Variants in FDFT1 observed in about 807,000 individuals in gnomAD.
The protein encoded by FDFT1 is squalene synthase.
FDFT1 carries 68 observed loss-of-function variants against 46.8 expected under a neutral mutation model. That is an observed-to-expected ratio of 1.45 (90% confidence interval 1.19 to 1.78). The LOEUF (loss-of-function observed/expected upper bound fraction) is 1.78. Among genes scored for constraint, FDFT1 ranks in the 40% most tolerant of loss-of-function variants. The pLI, the probability that FDFT1 is intolerant of heterozygous loss-of-function variation, is 0.00. For missense variants in FDFT1, 928 were observed against 524.4 expected (o/e 1.77, Z -7.52); for synonymous variants, 351 against 185.1 (o/e 1.90, Z -7.28).
At chr8:11,814,295 T>C (rs1459094564) in intron 3 of FDFT1, among the ~76,000 whole-genome samples, 1 of 147,938 alleles carries the variant, frequency 6.8e-6, no homozygotes, top group Non-Finnish European at 1.5e-5. Context: ...AGATTGATTT[T>C]ATAGGTTTTT....
At chr8:11,815,207 T>A (rs190619533) in intron 3 of FDFT1, among the ~76,000 whole-genome samples, 2 of 152,230 alleles carry the variant, frequency 1.3e-5, no homozygotes, top group African/African-American at 4.8e-5. Flanking sequence ...CTCATCCTTT[T>A]TTTATGGCTG....
At chr8:11,811,467 C>T (rs931172410) in intron 3 of FDFT1, among the ~76,000 whole-genome samples, 1 of 152,196 alleles carries the variant, frequency 6.6e-6, no homozygotes, top group Non-Finnish European at 1.5e-5. Flanking sequence ...GCAGCCCTAT[C>T]CCCTCAGCAG....
intron 5 of FDFT1, among the ~76,000 whole-genome samples, chr8:11,828,097 G>C (rs747396170): frequency 5.3e-5 from 8 of 151,952 alleles, no homozygotes; most frequent in Non-Finnish European, 8.8e-5. Context: ...AGCTACTTGG[G>C]AGGCTGATGT....
At chr8:11,817,923 T>A (rs1424353873) in intron 3 of FDFT1, among the ~76,000 whole-genome samples, 1 of 152,202 alleles carries the variant, frequency 6.6e-6, no homozygotes, top group African/African-American at 2.4e-5. Flanking sequence ...TGTTTGCTCT[T>A]GCTTTTCTAG....
intron 3 of FDFT1, among the ~76,000 whole-genome samples, chr8:11,814,550 T>C (rs1839063397): frequency 6.6e-6 from 1 of 152,212 alleles, no homozygotes; most frequent in Non-Finnish European, 1.5e-5. Context: ...GGCTCTCATG[T>C]TTTAAGACTT....
At chr8:11,804,719 G>A (rs975017928) in intron 1 of FDFT1, among the ~76,000 whole-genome samples, 6 of 145,616 alleles carry the variant, frequency 4.1e-5, no homozygotes, top group Non-Finnish European at 6.0e-5. Context: ...CAATTCTCCT[G>A]CCTCAGCCTG....
upstream of FDFT1, among the ~76,000 whole-genome samples, chr8:11,800,289 A>T (rs1379371694): frequency 8.6e-6 from 1 of 116,152 alleles, no homozygotes; most frequent in Non-Finnish European, 1.9e-5. Context: ...AAAAAAAAAA[A>T]AAAGGCGCTT....
Position 11,821,417 on chromosome 8 carries a change from C to T in FDFT1, c.382-333C>T, listed in dbSNP as rs185506041. Among the ~76,000 whole-genome samples, 330 of 152,230 alleles carry T rather than the reference C, an allele frequency of 2.2e-3. 2 individuals are homozygous for T. Among genetic ancestry groups the T allele is most frequent in the African/African-American group, 6.6e-3 (275 of 41,528 alleles). ...ACCAGCTTGGCCAACATGGTGAAAC[C>T]CCACTTCTACTAAAAATATAAAAAT... On this transcript the variant is annotated intron_variant, in intron 3 of 7. Transcript: ENST00000220584.
At chr8:11,807,570 G>A (rs545650260) in intron 1 of FDFT1, among the ~76,000 whole-genome samples, 2 of 136,654 alleles carry the variant, frequency 1.5e-5, no homozygotes, top group Non-Finnish European at 3.3e-5. Context: ...CACTCCCTGT[G>A]GGCCTAAAAC....
intron 7 of FDFT1, among the ~76,000 whole-genome samples, chr8:11,835,548 T>G (rs2130904081): frequency 6.6e-6 from 1 of 152,324 alleles, no homozygotes; most frequent in East Asian, 1.9e-4. Flanking sequence ...GAAGTGCTCT[T>G]GGAGTTCTCT....
intron 4 of FDFT1, among the ~76,000 whole-genome samples, chr8:11,822,278 G>A (rs533706623): frequency 3.9e-5 from 6 of 152,318 alleles, no homozygotes; most frequent in Middle Eastern, 3.4e-3. Context: ...AAGCCAGTCA[G>A]ATTTAGCAGG....
At chr8:11,799,224 C>G (rs916511898), upstream of FDFT1, among the ~76,000 whole-genome samples, 1 of 152,194 alleles carries the variant, frequency 6.6e-6, no homozygotes, top group Admixed American at 6.5e-5. Flanking sequence ...CAGACCAGTC[C>G]ACGGTCGGCG....
At chr8:11,809,877 C>A in intron 3 of FDFT1, 27 bp downstream of exon 3, 1 of 1,574,646 alleles carries the variant, frequency 6.4e-7, no homozygotes, top group Non-Finnish European at 8.7e-7. Flanking sequence ...ATCTTGTCTA[C>A]GGACTGTTGT....
chr8:11,796,106 A>C (rs1314945337), intron 1 of FDFT1: 1 of 151,938 alleles, frequency 6.6e-6, no homozygotes, highest in Non-Finnish European at 1.5e-5. Flanking sequence ...GTGGCTTTAG[A>C]CATTTCATAA....
At chr8:11,798,516 G>A (rs1745941455), upstream of FDFT1, among the ~76,000 whole-genome samples, 1 of 152,238 alleles carries the variant, frequency 6.6e-6, no homozygotes, top group African/African-American at 2.4e-5. Context: ...GGACTCCACA[G>A]GACTTGATGA....
At chr8:11,832,220 A>G (rs896838210) in intron 7 of FDFT1, among the ~76,000 whole-genome samples, 8 of 151,610 alleles carry the variant, frequency 5.3e-5, no homozygotes, top group Non-Finnish European at 1.0e-4. Context: ...AAGAAAACTT[A>G]CCTTCTTAGG....
At chr8:11,820,288 A>T (rs1809042389) in intron 3 of FDFT1, among the ~76,000 whole-genome samples, 1 of 152,174 alleles carries the variant, frequency 6.6e-6, no homozygotes, top group Non-Finnish European at 1.5e-5. Context: ...CCTCCCAGTC[A>T]GGCTACATGG....
upstream of FDFT1, among the ~76,000 whole-genome samples, chr8:11,797,486 C>G (rs142496115): frequency 1.9e-4 from 29 of 151,000 alleles, no homozygotes; most frequent in East Asian, 5.7e-3. Context: ...TCCCATGTCT[C>G]CTGCCACATT....
intron 7 of FDFT1, 117 bp from the exon 8 acceptor site, chr8:11,838,268 GCCT>G (rs772766586): frequency 5.3e-5 from 40 of 757,000 alleles, no homozygotes; most frequent in Non-Finnish European, 8.0e-5. Context: ...TGTTCTCTGA[GCCT>G]CCCTTTCCTC....
Sources: allele counts gnomAD v4.1 joint callset (sites outside exome capture counted in the v4.1 genomes callset), GRCh38; gene constraint gnomAD v4.1.1; transcripts MANE v1.5; gene names NCBI Gene and HGNC (gene_info 2026-07-23, HGNC 2026-07-21).